FAM184A: variants seen among roughly 807,000 people sequenced by gnomAD.
The protein encoded by FAM184A is protein FAM184A.
Under a neutral mutation model 143.8 loss-of-function variants are expected in FAM184A, and 99 were observed. The observed-to-expected ratio is 0.69, with a 90% CI of 0.58 to 0.81. FAM184A has a LOEUF of 0.81. FAM184A is among the 40% of genes least tolerant of loss of function. The pLI, the probability that FAM184A is intolerant of heterozygous loss-of-function variation, is 0.00. For synonymous variants in FAM184A, 427 were observed against 446.4 expected, an observed-to-expected ratio of 0.96 and a Z score of 0.55; for missense variants, 1,217 against 1,310.5, an observed-to-expected ratio of 0.93 and a Z score of 1.10.
At chr6:118,989,481 T>C (rs763635889) in intron 9 of FAM184A, among the ~76,000 whole-genome samples, 3 of 116,376 alleles carry the variant, frequency 2.6e-5, no homozygotes, top group Non-Finnish European at 6.3e-5. Context: ...TTTTTGCATA[T>C]TGCAATTATT....
chr6:119,066,546 T>C (rs1177813615), intron 1 of FAM184A, among the ~76,000 whole-genome samples: 1 of 152,184 alleles, frequency 6.6e-6, no homozygotes, highest in African/African-American at 2.4e-5. Context: ...TAATTTTCTC[T>C]AGCAATGCTC....
At chr6:119,041,780 T>A (rs1786343443) in intron 1 of FAM184A, among the ~76,000 whole-genome samples, 1 of 152,268 alleles carries the variant, frequency 6.6e-6, no homozygotes, top group African/African-American at 2.4e-5. Flanking sequence ...TGGATCGGGC[T>A]AAAGGCTTGC....
chr6:119,093,986 C>T (rs920183191), intron 1 of FAM184A, among the ~76,000 whole-genome samples: 1 of 145,986 alleles, frequency 6.8e-6, no homozygotes, highest in Admixed American at 6.8e-5. Flanking sequence ...TCCTTCCTTC[C>T]TCCCTCCCTC....
chr6:119,053,439 C>T (rs1375667944), intron 1 of FAM184A, among the ~76,000 whole-genome samples: 1 of 152,136 alleles, frequency 6.6e-6, no homozygotes, highest in Admixed American at 6.6e-5. Context: ...TTCTTAGGTC[C>T]TATCTTCCCA....
chr6:119,018,297 TTCTC>T (rs1202116826), intron 4 of FAM184A, among the ~76,000 whole-genome samples: 1 of 152,124 alleles, frequency 6.6e-6, no homozygotes, highest in Non-Finnish European at 1.5e-5. Flanking sequence ...GGTGATGACA[TTCTC>T]TCATTTAATT....
At chr6:119,004,988 T>C (rs1280538909) in intron 7 of FAM184A, among the ~76,000 whole-genome samples, 1 of 152,208 alleles carries the variant, frequency 6.6e-6, no homozygotes, top group Admixed American at 6.5e-5. Flanking sequence ...CTATATTCAA[T>C]TAACATTCAT....
intron 1 of FAM184A, among the ~76,000 whole-genome samples, chr6:119,041,261 G>A (rs1786317214): frequency 6.6e-6 from 1 of 152,204 alleles, no homozygotes; most frequent in Non-Finnish European, 1.5e-5. Context: ...GTGGTCCCAA[G>A]CTAAAATTAT....
chr6:119,111,432 G>C (rs528722912), intron 1 of FAM184A, among the ~76,000 whole-genome samples: 1 of 152,178 alleles, frequency 6.6e-6, no homozygotes, highest in African/African-American at 2.4e-5. Context: ...ACGGCTGGAC[G>C]TGGATGGTGG....
chr6:119,123,684 A>T (rs1427982575), intron 1 of FAM184A, among the ~76,000 whole-genome samples: 1 of 152,114 alleles, frequency 6.6e-6, no homozygotes, highest in African/African-American at 2.4e-5. Context: ...CAAAGAGATG[A>T]TCCATTCAGT....
rs368464411 is a variant in FAM184A, at chr6:119,078,222, G to C, written c.78C>G (p.Thr26=). ...SAAKFAPSPA[T]AQLAGHSMDY... is the part of the protein sequence containing the mutation. ...CCATGCTGTGCCCAGCCAGCTGTGC[G>C]GTGGCCGGCGAGGGCGCGAATTTGG... Residue 26 remains threonine, a synonymous_variant, in exon 1 of 18, where the codon ACC becomes ACG. Transcript: ENST00000338891. This position sits in a 1 kb window ranked among gnomAD's most constrained non-coding sequence, Gnocchi z 5.5. The C allele has an allele frequency of 6.5e-7, 1 of 1,549,794 alleles. No homozygotes were observed.
intron 9 of FAM184A, among the ~76,000 whole-genome samples, chr6:119,001,684 T>C (rs1163260370): frequency 6.6e-6 from 1 of 152,188 alleles, no homozygotes; most frequent in East Asian, 1.9e-4. Context: ...GGTGGGCCAC[T>C]TTACAGTGCA....
At chr6:118,965,343 C>T (rs1450941041) in intron 15 of FAM184A, among the ~76,000 whole-genome samples, 5 of 151,828 alleles carry the variant, frequency 3.3e-5, no homozygotes, top group African/African-American at 4.8e-5. Context: ...CCATCATATC[C>T]GGCCTCATTA....
intron 2 of FAM184A, 137 bp downstream of exon 2, chr6:119,023,822 T>TTA (rs1785536759): frequency 1.9e-5 from 8 of 415,944 alleles, no homozygotes; most frequent in African/African-American, 1.8e-4. Flanking sequence ...CAGGAAAAGT[T>TTA]AAAAAAAAAA....
At chr6:119,140,458 G>A (rs192354356) in intron 1 of FAM184A, among the ~76,000 whole-genome samples, 32 of 152,308 alleles carry the variant, frequency 2.1e-4, no homozygotes, top group African/African-American at 7.5e-4. Flanking sequence ...AAGGACAAAT[G>A]CACAGGAGCT....
At chr6:119,053,558 C>A (rs1037179853) in intron 1 of FAM184A, among the ~76,000 whole-genome samples, 4 of 152,198 alleles carry the variant, frequency 2.6e-5, no homozygotes, top group African/African-American at 4.8e-5. Context: ...GGATATTACA[C>A]TTCCATTAAT....
chr6:119,052,912 C>G (rs1786819990), intron 1 of FAM184A, among the ~76,000 whole-genome samples: 1 of 152,214 alleles, frequency 6.6e-6, no homozygotes, highest in African/African-American at 2.4e-5. Flanking sequence ...ATTCAGTAAA[C>G]ACTCCTTTCT....
At chr6:118,974,977 T>C in intron 13 of FAM184A, 47 bp downstream of exon 13, 1 of 1,468,006 alleles carries the variant, frequency 6.8e-7, no homozygotes, top group Non-Finnish European at 9.3e-7. Context: ...GCACAACAGT[T>C]TTTCAGATGA....
intron 1 of FAM184A, among the ~76,000 whole-genome samples, chr6:119,065,477 GC>G (rs1432392883): frequency 6.6e-6 from 1 of 152,164 alleles, no homozygotes; most frequent in Non-Finnish European, 1.5e-5. Flanking sequence ...GTTTTAAGCT[GC>G]CAAATTTGGG....
chr6:119,147,736 C>T lies in FAM184A; in HGVS notation c.-202+1342G>A, dbSNP rs142884905. On this transcript the variant is annotated intron_variant, in intron 1 of 16. Transcript: ENST00000352896. ...GAAATGGCCAGGACCTGATTAATAA[C>T]GGACAGCTTCCCTAACTTTTGTCAC... is the stretch of plus-strand genomic sequence containing the variant. Among the ~76,000 whole-genome samples, 1,482 of 152,274 alleles carry T rather than the reference C, an allele frequency of 9.7e-3. 11 individuals carry two copies. Among genetic ancestry groups the T allele is most frequent in the South Asian group, 0.023 (109 of 4,818 alleles).
Sources: gnomAD v4.1 joint callset for allele counts (sites outside exome capture counted in the v4.1 genomes callset) on GRCh38, gnomAD v4.1.1 for gene constraint, Gnocchi (gnomAD v3.1) non-coding constraint, MANE v1.5 for transcripts, NCBI Gene and HGNC (gene_info 2026-07-23, HGNC 2026-07-21) for gene names.